Variants in MDGA2 observed in about 807,000 individuals in gnomAD.
MDGA2 encodes MAM domain-containing glycosylphosphatidylinositol anchor protein 2.
MDGA2 carries 40 observed loss-of-function variants against 117.8 expected under a neutral mutation model. The observed-to-expected ratio is 0.34, with a 90% confidence interval of 0.26 to 0.44. The LOEUF (loss-of-function observed/expected upper bound fraction) is 0.44. Ranked by LOEUF, MDGA2 falls within the 20% of genes least tolerant of loss-of-function variation. The pLI is 1.00. For missense variants in MDGA2, 1,123 were observed against 1,250.6 expected, an observed-to-expected ratio of 0.90 and a Z score of 1.54; for synonymous variants, 452 against 439.0, an observed-to-expected ratio of 1.03 and a Z score of -0.37.
At chr14:47,388,977 C>T (rs116849426) in intron 1 of MDGA2, among the ~76,000 whole-genome samples, 1,648 of 152,298 alleles carry the variant, frequency 0.011, 11 homozygotes, top group Non-Finnish European at 0.017. Flanking sequence ...TGTATTACAT[C>T]TTCCCTGGTT....
intron 1 of MDGA2, among the ~76,000 whole-genome samples, chr14:47,556,736 A>C (rs965928187): frequency 1.3e-5 from 2 of 152,248 alleles, no homozygotes; most frequent in African/African-American, 4.8e-5. Context: ...ATACAAGCTC[A>C]GTAAATAGTT....
chr14:46,843,725 T>C (rs1002701785), intron 16 of MDGA2, among the ~76,000 whole-genome samples: 1 of 152,132 alleles, frequency 6.6e-6, no homozygotes, highest in South Asian at 2.1e-4. Context: ...CAGTGGACAA[T>C]TGTACACATT....
At chr14:47,193,027 T>C (rs1024172647) in intron 3 of MDGA2, among the ~76,000 whole-genome samples, 1 of 152,242 alleles carries the variant, frequency 6.6e-6, no homozygotes, top group Non-Finnish European at 1.5e-5. Context: ...TTGTATTTTT[T>C]AAAAATCCCA....
At chr14:47,509,643 G>A (rs1417359647) in intron 1 of MDGA2, among the ~76,000 whole-genome samples, 1 of 152,150 alleles carries the variant, frequency 6.6e-6, no homozygotes, top group Non-Finnish European at 1.5e-5. Flanking sequence ...CAGTGGGCCT[G>A]GAAAGCAGAG....
intron 1 of MDGA2, among the ~76,000 whole-genome samples, chr14:47,589,331 A>T (rs1002482393): frequency 1.3e-5 from 2 of 152,014 alleles, no homozygotes; most frequent in African/African-American, 2.4e-5. Context: ...ATTTAGGTCT[A>T]TAATTCATTT....
intron 6 of MDGA2, among the ~76,000 whole-genome samples, chr14:47,093,381 T>C (rs907909320): frequency 6.6e-6 from 1 of 152,104 alleles, no homozygotes; most frequent in African/African-American, 2.4e-5. Context: ...ATTTAATTCA[T>C]GAGAGAAGAG....
chr14:47,401,503 C>G (rs191347012), intron 1 of MDGA2, among the ~76,000 whole-genome samples: 2 of 152,252 alleles, frequency 1.3e-5, no homozygotes, highest in Admixed American at 1.3e-4. Flanking sequence ...GAGGTACTCA[C>G]CAAAAGGCTT....
chr14:47,332,018 G>A (rs377500220), intron 1 of MDGA2, among the ~76,000 whole-genome samples: 4 of 151,950 alleles, frequency 2.6e-5, no homozygotes, highest in South Asian at 2.1e-4. Context: ...CCAGTTATTC[G>A]CATGTCTAGT....
intron 3 of MDGA2, among the ~76,000 whole-genome samples, chr14:47,206,022 T>G (rs1341074127): frequency 6.6e-6 from 1 of 152,046 alleles, no homozygotes; most frequent in Admixed American, 6.6e-5. Flanking sequence ...AACATTGTTT[T>G]GCAGATCTCA....
At chr14:47,502,718 T>C (rs1003523466) in intron 1 of MDGA2, among the ~76,000 whole-genome samples, 5 of 152,098 alleles carry the variant, frequency 3.3e-5, no homozygotes, top group Non-Finnish European at 5.9e-5. Flanking sequence ...ACCCAGTCTG[T>C]AGTTGAAGTG....
Position 46,855,953 on chromosome 14 carries a change from A to C in MDGA2, c.2753-799T>G, listed in dbSNP as rs1881252770. ...GATAGCTTTTATCTCATTATTTGAT[A>C]TCTCTCTTTCAATAGTTTAATGTGC... On this transcript the variant is annotated intron_variant, in intron 14 of 16. Coordinates refer to ENST00000399232, the MANE Select transcript of MDGA2 (RefSeq NM_001113498.3). The surrounding 1 kb of genome is among the most constrained non-coding windows in gnomAD (Gnocchi z 4.1). Among the ~76,000 whole-genome samples the C allele has an allele frequency of 6.6e-6, 1 of 152,118 alleles. No individual in the cohort carries two copies. The highest frequency in any genetic ancestry group is 1.5e-5 in the Non-Finnish European group (1 of 67,996).
intron 8 of MDGA2, among the ~76,000 whole-genome samples, chr14:47,033,249 C>T (rs1254454907): frequency 6.6e-6 from 1 of 152,120 alleles, no homozygotes; most frequent in Non-Finnish European, 1.5e-5. Context: ...TAAGAATATT[C>T]TATGGAGAAC....
chr14:47,073,878 A>C (rs918426333), intron 6 of MDGA2, among the ~76,000 whole-genome samples: 7 of 152,042 alleles, frequency 4.6e-5, no homozygotes, highest in Non-Finnish European at 1.0e-4. Flanking sequence ...TTTCTCTATA[A>C]TTTCAAACAT....
chr14:47,266,846 AG>A (rs1019676030), intron 2 of MDGA2, among the ~76,000 whole-genome samples: 2 of 152,152 alleles, frequency 1.3e-5, no homozygotes, highest in African/African-American at 4.8e-5. Context: ...CTTTATGCAT[AG>A]CCTTTTTGGG....
chr14:47,609,074 T>C (rs1235118484), intron 1 of MDGA2, among the ~76,000 whole-genome samples: 1 of 151,848 alleles, frequency 6.6e-6, no homozygotes, highest in East Asian at 1.9e-4. Flanking sequence ...TTTTTATTTT[T>C]CCATAGGTTA....
rs549945902 is a variant in MDGA2, at chr14:46,865,467, T to A, written c.2752+7966A>T. Among the ~76,000 whole-genome samples the A allele has an allele frequency of 1.8e-3, 277 of 152,274 alleles. 1 individual carries two copies. Among genetic ancestry groups the A allele is most frequent in the African/African-American group, 6.4e-3 (264 of 41,558 alleles). ...TGGGCAAAAACTGGAAACATTCCCT[T>A]TGAAAACTGGCACAAGACAGGGATG... On this transcript the variant is annotated intron_variant, in intron 14 of 16. Transcript: ENST00000399232.
intron 2 of MDGA2, among the ~76,000 whole-genome samples, chr14:47,285,350 C>CAA (rs140251894): frequency 6.6e-6 from 1 of 151,612 alleles, no homozygotes; most frequent in African/African-American, 2.4e-5. Context: ...CCTTTTCTAA[C>CAA]AAAAAAAGCT....
At chr14:47,504,933 T>C (rs1158187801) in intron 1 of MDGA2, among the ~76,000 whole-genome samples, 2 of 152,238 alleles carry the variant, frequency 1.3e-5, no homozygotes, top group East Asian at 3.9e-4. Flanking sequence ...AGCCAATACA[T>C]GGAATCAACC....
rs1057004475 is a variant in MDGA2 at position 46,840,337 on chromosome 14, T to C, written c.*1594A>G. The C allele has an allele frequency of 5.9e-5, 9 of 152,412 alleles. No individual in the cohort carries two copies. Among genetic ancestry groups the C allele is most frequent in the Admixed American group, 4.6e-4 (7 of 15,212 alleles). 9.4% of individuals were successfully genotyped at this position (152,412 alleles called of 1,614,324 possible). A position where few individuals can be genotyped will look rare whatever the true frequency, so the allele number is the denominator to read the frequency against. On this transcript the variant is annotated 3_prime_UTR_variant, in exon 17 of 17. Coordinates refer to ENST00000399232, the MANE Select transcript of MDGA2 (RefSeq NM_001113498.3). ...GTTGAAAGAACATATAATAATAATA[T>C]TCTTCTTAGACAAAAGTCTTTTTAA...
Sources: allele counts gnomAD v4.1 joint callset (sites outside exome capture counted in the v4.1 genomes callset), GRCh38; gene constraint gnomAD v4.1.1; non-coding constraint Gnocchi (gnomAD v3.1); transcripts MANE v1.5; gene names NCBI Gene and HGNC (gene_info 2026-07-23, HGNC 2026-07-21).